The following STARD9 variants were observed in gnomAD, a reference collection of about 807,000 sequenced individuals.
STARD9 encodes stAR-related lipid transfer protein 9.
A neutral mutation model predicts 399.8 loss-of-function variants in STARD9; 346 were observed. That is an observed-to-expected ratio of 0.87 (90% CI 0.79 to 0.95). The LOEUF (loss-of-function observed/expected upper bound fraction) is 0.95, where lower values mean the gene tolerates loss of function less well. STARD9 is among the 40% of genes least tolerant of loss of function. STARD9 has a pLI of 0.00. For missense variants in STARD9, 5,832 were observed against 5,667.5 expected, an observed-to-expected ratio of 1.03 and a Z score of -0.93; for synonymous variants, 2,203 against 2,143.5, an observed-to-expected ratio of 1.03 and a Z score of -0.77.
At chr15:42,603,166 T>A (rs1308826143) in intron 3 of STARD9, among the ~76,000 whole-genome samples, 1 of 152,168 alleles carries the variant, frequency 6.6e-6, no homozygotes, top group Non-Finnish European at 1.5e-5. Context: ...AAAATAGACT[T>A]TTTATTTATT....
intron 7 of STARD9, among the ~76,000 whole-genome samples, chr15:42,640,675 AGCCGGGCGTGTGG>A (rs1034614272): frequency 1.3e-5 from 2 of 152,046 alleles, no homozygotes; most frequent in Non-Finnish European, 2.9e-5. Flanking sequence ...CAAAAAAATT[AGCCGGGCGTGTGG>A]CACACACCTA....
At position 42,695,148 on chromosome 15, in the gene STARD9, A is replaced by C. The variant is rs1411091097; in HGVS notation, c.12971A>C (p.Glu4324Ala). ...CCCGTGATCTTCCTCAGGAGCCCAGAGTCAGTGTCAAGGTCAGCTCACACA... is the reference window on the plus strand; with the variant it reads ...CCCGTGATCTTCCTCAGGAGCCCAGCGTCAGTGTCAAGGTCAGCTCACACA... ...KDVVETTRSP[E>A]SVSRSAHTPS... is the part of the protein sequence containing the mutation. Residue 4324 changes from glutamate (E) to alanine (A), a missense_variant, in exon 25 of 33, where the codon GAG (glutamate) becomes GCG (alanine). Around this residue, in one of 2 missense-constraint regions of STARD9, gnomAD observed 5,828 missense variants for 5,651.1 expected, o/e 1.03. Transcript: ENST00000290607. 1 of 1,529,742 alleles carries C rather than the reference A, an allele frequency of 6.5e-7. No homozygotes were observed. The highest frequency in any genetic ancestry group is 1.2e-5 in the South Asian group (1 of 83,588). 94.8% of individuals were successfully genotyped at this position (1,529,742 alleles called of 1,614,324 possible). A position where few individuals can be genotyped will look rare whatever the true frequency, so the allele number is the denominator to read the frequency against.
chr15:42,674,329 T>C (rs2060264780), intron 16 of STARD9, 111 bp from the exon 17 acceptor site: 1 of 862,752 alleles, frequency 1.2e-6, no homozygotes, highest in Admixed American at 2.1e-5. Flanking sequence ...GGATGAGAAG[T>C]GGTACAGATG....
intron 3 of STARD9, among the ~76,000 whole-genome samples, chr15:42,602,462 A>C (rs1422334170): frequency 1.3e-5 from 2 of 152,232 alleles, no homozygotes; most frequent in Non-Finnish European, 2.9e-5. Context: ...AGAGAATGAA[A>C]GCAGGGATTT....
rs866924731 is a variant in STARD9, at chr15:42,577,006, T to G, written c.47+1244T>G. ...TGTGGTAGCTCAGGGCTGGGGGGGG[T>G]TTTATAAGTGCAGATGCTATGCTGG... is the stretch of plus-strand genomic sequence containing the variant. On this transcript the variant is annotated intron_variant, in intron 1 of 32. Coordinates refer to ENST00000290607, the MANE Select transcript of STARD9 (RefSeq NM_020759.3). Among the ~76,000 whole-genome samples the G allele has an allele frequency of 8.3e-3, 1,246 of 150,282 alleles. 8 individuals carry two copies. The highest frequency in any genetic ancestry group is 0.017 in the African/African-American group (710 of 40,836).
intron 3 of STARD9, among the ~76,000 whole-genome samples, chr15:42,602,727 C>G (rs2058652281): frequency 6.6e-6 from 1 of 152,216 alleles, no homozygotes; most frequent in Non-Finnish European, 1.5e-5. Flanking sequence ...GTTACAAAGT[C>G]ATACCTCTAT....
Position 42,695,893 on chromosome 15 carries a change from A to G in STARD9, c.13284+13A>G. On this transcript the variant is annotated intron_variant, in intron 26 of 32. Transcript: ENST00000290607. ...CCCAGAGAATATGGTGAGTAGGCAG[A>G]TGTTGGGAATGAGCCAGGGGCCTGG... The G allele has an allele frequency of 2.0e-6, 3 of 1,535,974 alleles. No homozygotes were observed. The highest frequency in any genetic ancestry group is 2.6e-6 in the Non-Finnish European group (3 of 1,146,236).
chr15:42,675,611 GTACTCCAAA>G, intron 18 of STARD9, 44 bp from the exon 19 acceptor site: 1 of 1,363,580 alleles, frequency 7.3e-7, no homozygotes, highest in South Asian at 1.2e-5. Flanking sequence ...CACATAGTAT[GTACTCCAAA>G]ACATGAGCTG....
intron 3 of STARD9, among the ~76,000 whole-genome samples, chr15:42,591,106 G>A (rs2058383653): frequency 6.6e-6 from 1 of 152,170 alleles, no homozygotes; most frequent in South Asian, 2.1e-4. Context: ...TGTTGTGGGG[G>A]TCTGTACTGT....
chr15:42,685,585 A>C lies in STARD9; in HGVS notation c.4007A>C (p.Asp1336Ala). The change falls in exon 23 of 33, where the codon GAT becomes GCT. Residue 1336 changes from aspartate (D) to alanine (A), a missense_variant. Transcript: ENST00000290607. ...AGAGAGAGCCCACTGATGTCCATGG[A>C]TTCCTGGTTTTCCTGTGACTCTAAG... ...LSRESPLMSM[D>A]SWFSCDSKIN... 6.5e-7 allele frequency: 1 copy of C among 1,537,566 alleles called. No individual in the cohort carries two copies. The highest frequency in any genetic ancestry group is 8.7e-7 in the Non-Finnish European group (1 of 1,146,974).
chr15:42,669,404 A>C, intron 16 of STARD9, 67 bp downstream of exon 16: 1 of 1,348,674 alleles, frequency 7.4e-7, no homozygotes, highest in South Asian at 1.5e-5. Flanking sequence ...GGGAAAAGCT[A>C]GGAGCAGCAG....
chr15:42,633,317 A>T (rs1248760954), intron 3 of STARD9, among the ~76,000 whole-genome samples: 1 of 152,202 alleles, frequency 6.6e-6, no homozygotes, highest in Non-Finnish European at 1.5e-5. Flanking sequence ...CTTGCCCAAG[A>T]TCACACAGCT....
intron 26 of STARD9, among the ~76,000 whole-genome samples, chr15:42,709,612 G>T (rs2061167770): frequency 6.6e-6 from 1 of 152,228 alleles, no homozygotes; most frequent in Non-Finnish European, 1.5e-5. Flanking sequence ...TTGAACCCGG[G>T]AGGCGGGGTT....
chr15:42,598,000 A>ATATG (rs1555388916), intron 3 of STARD9, among the ~76,000 whole-genome samples: 66 of 115,180 alleles, frequency 5.7e-4, no homozygotes, highest in African/African-American at 1.8e-3. Flanking sequence ...GTATATATAT[A>ATATG]TGTGTGTGTG....
intron 20 of STARD9, among the ~76,000 whole-genome samples, chr15:42,679,731 G>A (rs1465381189): frequency 6.6e-6 from 1 of 152,182 alleles, no homozygotes; most frequent in African/African-American, 2.4e-5. Flanking sequence ...CCAGGGTGGT[G>A]CAAAAGCAGC....
chr15:42,635,136 T>C (rs2059395377), intron 4 of STARD9, among the ~76,000 whole-genome samples, 164 bp downstream of exon 4: 1 of 151,806 alleles, frequency 6.6e-6, no homozygotes, highest in Admixed American at 6.6e-5. Context: ...CTGGGCGCAG[T>C]GGCTCACGCC....
At chr15:42,594,907 C>T (rs1278131053) in intron 3 of STARD9, among the ~76,000 whole-genome samples, 2 of 152,140 alleles carry the variant, frequency 1.3e-5, no homozygotes, top group African/African-American at 2.4e-5. Context: ...TATGCGTTCT[C>T]TAATGTGACC....
At chr15:42,585,498 C>G in intron 2 of STARD9, 23 bp from the exon 3 acceptor site, 1 of 1,483,314 alleles carries the variant, frequency 6.7e-7, no homozygotes, top group Non-Finnish European at 9.1e-7. Flanking sequence ...AGAAAAGACA[C>G]TGGATCCTAT....
At chr15:42,615,855 T>C (rs932248579) in intron 3 of STARD9, among the ~76,000 whole-genome samples, 1 of 152,214 alleles carries the variant, frequency 6.6e-6, no homozygotes, top group African/African-American at 2.4e-5. Flanking sequence ...AGATACAGTC[T>C]TTATGTCCAT....
Sources: gnomAD v4.1 joint callset for allele counts (sites outside exome capture counted in the v4.1 genomes callset) on GRCh38, gnomAD v4.1.1 for gene constraint, gnomAD v4.1.1 regional missense constraint, MANE v1.5 for transcripts, NCBI Gene and HGNC (gene_info 2026-07-23, HGNC 2026-07-21) for gene names.